CFAP299: variants seen among roughly 807,000 people sequenced by gnomAD.
CFAP299 encodes the protein cilia- and flagella-associated protein 299.
CFAP299 carries 21 observed loss-of-function variants against 27.0 expected under a neutral mutation model. The ratio of observed to expected loss-of-function variants is 0.78; its 90% CI spans 0.55 to 1.12. CFAP299 has a LOEUF of 1.12. Ranked by LOEUF, CFAP299 falls within the 50% of genes most tolerant of loss-of-function variation. The pLI is 0.00. For missense variants in CFAP299, 310 were observed against 276.6 expected, an observed-to-expected ratio of 1.12 and a Z score of -0.86; for synonymous variants, 104 against 98.1, an observed-to-expected ratio of 1.06 and a Z score of -0.36.
At chr4:80,387,373 G>T in intron 2 of CFAP299, 1 of 1,285,454 alleles carries the variant, frequency 7.8e-7, no homozygotes, top group Non-Finnish European at 1.1e-6. Context: ...GCTGGGTCAT[G>T]TGAGACTTGA....
At chr4:80,920,289 G>T (rs1286792513) in intron 4 of CFAP299, among the ~76,000 whole-genome samples, 1 of 152,068 alleles carries the variant, frequency 6.6e-6, no homozygotes, top group Non-Finnish European at 1.5e-5. Flanking sequence ...TCCTATTCAA[G>T]ATGGAAACAT....
At chr4:80,686,432 A>G (rs1720200985) in intron 3 of CFAP299, among the ~76,000 whole-genome samples, 1 of 152,220 alleles carries the variant, frequency 6.6e-6, no homozygotes, top group Non-Finnish European at 1.5e-5. Context: ...AGGCTATGTT[A>G]TAAAAATACT....
intron 2 of CFAP299, among the ~76,000 whole-genome samples, chr4:80,576,741 G>A (rs964107933): frequency 1.3e-5 from 2 of 152,074 alleles, no homozygotes; most frequent in Non-Finnish European, 2.9e-5. Flanking sequence ...TCCAAACTAA[G>A]TATACAACAC....
chr4:80,825,519 A>G (rs886244183), intron 3 of CFAP299, among the ~76,000 whole-genome samples: 1 of 152,008 alleles, frequency 6.6e-6, no homozygotes, highest in African/African-American at 2.4e-5. Context: ...CAATTCACAT[A>G]CAAGAGATTT....
At chr4:80,681,650 C>A (rs1719852645) in intron 3 of CFAP299, among the ~76,000 whole-genome samples, 1 of 152,036 alleles carries the variant, frequency 6.6e-6, no homozygotes, top group Non-Finnish European at 1.5e-5. Flanking sequence ...AAAGGAGAAG[C>A]ATAAAAACAG....
intron 2 of CFAP299, among the ~76,000 whole-genome samples, chr4:80,485,252 T>C (rs1422552659): frequency 6.7e-6 from 1 of 148,982 alleles, no homozygotes; most frequent in Non-Finnish European, 1.5e-5. Context: ...TGTATAAATA[T>C]AATAAAATAT....
chr4:80,847,521 C>T (rs1056323037), intron 3 of CFAP299, among the ~76,000 whole-genome samples: 9 of 152,162 alleles, frequency 5.9e-5, no homozygotes, highest in Admixed American at 1.3e-4. Flanking sequence ...CTTGTGGTGA[C>T]CCTACATGCC....
At chr4:80,388,880 A>G (rs1412640781) in intron 2 of CFAP299, among the ~76,000 whole-genome samples, 2 of 152,092 alleles carry the variant, frequency 1.3e-5, no homozygotes, top group Non-Finnish European at 2.9e-5. Flanking sequence ...CTTGTAAGGC[A>G]TTGTAGTACA....
intron 3 of CFAP299, among the ~76,000 whole-genome samples, chr4:80,853,967 G>T (rs13110486): frequency 6.6e-6 from 1 of 152,002 alleles, no homozygotes; most frequent in African/African-American, 2.4e-5. Context: ...AGTAAAAAGT[G>T]ATAATTAAGT....
chr4:80,776,253 T>G (rs767842231), intron 3 of CFAP299, among the ~76,000 whole-genome samples: 10 of 152,138 alleles, frequency 6.6e-5, no homozygotes, highest in Non-Finnish European at 1.5e-4. Flanking sequence ...CAGAAGCTCA[T>G]CAACCTGCAC....
At chr4:80,740,316 G>A (rs759759581) in intron 3 of CFAP299, among the ~76,000 whole-genome samples, 10 of 152,152 alleles carry the variant, frequency 6.6e-5, no homozygotes, top group Non-Finnish European at 1.3e-4. Context: ...GGCTTTCCAG[G>A]TATTTGAAGC....
intron 3 of CFAP299, among the ~76,000 whole-genome samples, chr4:80,668,855 GAC>G (rs1422604540): frequency 1.3e-5 from 2 of 152,064 alleles, no homozygotes; most frequent in Non-Finnish European, 2.9e-5. Context: ...TGTGAAGCAT[GAC>G]ATTGTTTTTT....
chr4:80,651,389 A>G (rs1442011694), intron 3 of CFAP299, among the ~76,000 whole-genome samples: 1 of 136,452 alleles, frequency 7.3e-6, no homozygotes, highest in Non-Finnish European at 1.5e-5. Flanking sequence ...TTGTTGAGAC[A>G]GAGTCTCTCT....
intron 3 of CFAP299, among the ~76,000 whole-genome samples, chr4:80,788,548 T>TATAG (rs1727373455): frequency 6.6e-6 from 1 of 152,038 alleles, no homozygotes; most frequent in Admixed American, 6.6e-5. Flanking sequence ...TGTGTGTATA[T>TATAG]ATAGTGTGTG....
intron 2 of CFAP299, among the ~76,000 whole-genome samples, chr4:80,578,163 T>A (rs952386248): frequency 7.9e-5 from 12 of 152,168 alleles, no homozygotes; most frequent in Non-Finnish European, 1.6e-4. Flanking sequence ...CTTATAACAC[T>A]AAGATTTTGA....
intron 3 of CFAP299, among the ~76,000 whole-genome samples, chr4:80,850,071 T>C (rs1047089470): frequency 2.0e-5 from 3 of 151,878 alleles, no homozygotes; most frequent in African/African-American, 7.3e-5. Flanking sequence ...CAATAGAAAA[T>C]AAAAAGTCTG....
At position 80,654,616 on chromosome 4, in the gene CFAP299, T is replaced by C. The variant is rs529911843; in HGVS notation, c.333+71433T>C. ...TCAATATTCATTATTCTAAGCTTTT[T>C]GAGATGAGGGAATGGGTCTGACTCA... On this transcript the variant is annotated intron_variant, in intron 3 of 5. Transcript: ENST00000358105. 1.7e-4 allele frequency among the ~76,000 whole-genome samples: 26 copies of C among 152,188 alleles called. No individual in the cohort carries two copies. The South Asian group carries it at 5.0e-3, about 29-fold the overall frequency.
At chr4:80,861,717 T>C (rs1477398905) in intron 3 of CFAP299, among the ~76,000 whole-genome samples, 1 of 152,154 alleles carries the variant, frequency 6.6e-6, no homozygotes, top group East Asian at 1.9e-4. Context: ...ATTCTAGAAA[T>C]TTATTTTACA....
intron 3 of CFAP299, among the ~76,000 whole-genome samples, chr4:80,860,213 G>A (rs932607193): frequency 6.6e-6 from 1 of 152,056 alleles, no homozygotes; most frequent in African/African-American, 2.4e-5. Flanking sequence ...CGGCTCCTGA[G>A]GCTTCTGCAT....
Sources: allele counts gnomAD v4.1 joint callset (sites outside exome capture counted in the v4.1 genomes callset), GRCh38; gene constraint gnomAD v4.1.1; transcripts MANE v1.5; gene names NCBI Gene and HGNC (gene_info 2026-07-23, HGNC 2026-07-21).